MICU3: variants seen among roughly 807,000 people sequenced by gnomAD.
The protein encoded by MICU3 is calcium uptake protein 3, mitochondrial.
In MICU3, 62 loss-of-function variants were observed where a neutral mutation model predicts 66.5. The observed-to-expected ratio is 0.93, with a 90% CI of 0.76 to 1.15. MICU3 has a LOEUF of 1.15. MICU3 is among the 50% of genes most tolerant of loss of function. The pLI, the probability that MICU3 is intolerant of heterozygous loss-of-function variation, is 0.00. For missense variants in MICU3, 779 were observed against 664.4 expected, an observed-to-expected ratio of 1.17 and a Z score of -1.90; for synonymous variants, 308 against 240.7, an observed-to-expected ratio of 1.28 and a Z score of -2.59.
intron 1 of MICU3, among the ~76,000 whole-genome samples, chr8:17,029,000 A>G (rs1438634160): frequency 6.6e-6 from 1 of 152,248 alleles, no homozygotes; most frequent in Non-Finnish European, 1.5e-5. Context: ...GACCACGTTC[A>G]GAAAGCTAGA....
chr8:17,027,364 G>C lies in MICU3; in HGVS notation c.85G>C (p.Gly29Arg). The change falls in exon 1 of 15, where the codon GGG becomes CGG. Residue 29 changes from glycine to arginine, a missense_variant. Transcript: ENST00000318063. ...TCACCAGCCCCTCCTTGGGCCGTGG[G>C]GGCGGCCTGCGGTGACCACCCTGGG... Reference protein sequence around the residue: ...CAHQPLLGPWGRPAVTTLGLP... With the variant: ...CAHQPLLGPWRRPAVTTLGLP... The C allele has an allele frequency of 6.7e-7, 1 of 1,502,024 alleles. No homozygotes were observed. The highest frequency in any genetic ancestry group is 1.3e-5 in the South Asian group (1 of 76,542). 93.0% of individuals were successfully genotyped at this position (1,502,024 alleles called of 1,614,324 possible).
In MICU3 at chr8:17,120,664, A is replaced by T. The variant is rs978300235; in HGVS notation, c.*377A>T. On this transcript the variant is annotated 3_prime_UTR_variant, in exon 15 of 15. Transcript: ENST00000318063. ...TTCAAAATAATTTATGACTCATGGA[A>T]TGTTGATCGCCTAAAAATGAACATC... 2.0e-5 allele frequency: 3 copies of T among 152,552 alleles called. No homozygotes were observed. The highest frequency in any genetic ancestry group is 2.0e-4 in the Admixed American group (3 of 15,274). The allele number at this position is 152,552 out of a possible 1,614,324, so 9.4% of individuals were successfully genotyped here. A position where few individuals can be genotyped will look rare whatever the true frequency, so the allele number is the denominator to read the frequency against.
chr8:17,049,151 C>T (rs571690087), intron 1 of MICU3, among the ~76,000 whole-genome samples: 1 of 152,128 alleles, frequency 6.6e-6, no homozygotes, highest in Non-Finnish European at 1.5e-5. Flanking sequence ...CTAAACAATA[C>T]TCTTCAAGTA....
At chr8:17,128,107 C>T in the MICU3 span, among the ~76,000 whole-genome samples, 1 of 152,054 alleles carries the variant, frequency 6.6e-6, no homozygotes, top group Admixed American at 6.6e-5. Context: ...AGCCAGAGTT[C>T]TCTACTGACA....
the MICU3 span, among the ~76,000 whole-genome samples, chr8:17,135,435 A>G: frequency 1.3e-5 from 2 of 151,118 alleles, no homozygotes; most frequent in Admixed American, 6.7e-5. Flanking sequence ...TAGATTTTCT[A>G]TCTGATTTTT....
chr8:17,064,198 T>C lies in MICU3; in HGVS notation c.496T>C (p.Tyr166His). ...TGAAGGGCAGTTATTCATGACTCCGTATGATTTTATTTTGGCTGTTACAAC... is the reference window on the plus strand; with the variant it reads ...TGAAGGGCAGTTATTCATGACTCCGCATGATTTTATTTTGGCTGTTACAAC... ...ECEGQLFMTPYDFILAVTTDE... is the reference protein window; with the variant it reads ...ECEGQLFMTPHDFILAVTTDE... The change falls in exon 2 of 15, where the codon TAT (tyrosine) becomes CAT (histidine). Residue 166 changes from tyrosine to histidine, a missense_variant. Transcript: ENST00000318063. The C allele has an allele frequency of 6.2e-7, 1 of 1,612,608 alleles. No homozygotes were observed. Among genetic ancestry groups the C allele is most frequent in the South Asian group, 1.1e-5 (1 of 90,824 alleles).
chr8:17,030,526 G>C (rs1811840163), intron 1 of MICU3, among the ~76,000 whole-genome samples: 1 of 151,142 alleles, frequency 6.6e-6, no homozygotes, highest in African/African-American at 2.4e-5. Context: ...TTATGTTGGT[G>C]AGTATTATGG....
In MICU3 at chr8:17,121,556, A is replaced by G. The variant is rs1277344119; in HGVS notation, c.*1269A>G. 1 of 152,250 alleles carries G rather than the reference A, an allele frequency of 6.6e-6. No individual in the cohort carries two copies. Among genetic ancestry groups the G allele is most frequent in the Non-Finnish European group, 1.5e-5 (1 of 67,760 alleles). The allele number at this position is 152,250 out of a possible 1,614,324, so 9.4% of individuals were successfully genotyped here. ...TTGCATATGGAAGATAAGTTCATTT[A>G]TCTTCCTTTCTAAGACATATTTAAT... is the stretch of plus-strand genomic sequence containing the variant. On this transcript the variant is annotated 3_prime_UTR_variant, in exon 15 of 15. Transcript: ENST00000318063.
At chr8:17,044,292 C>T (rs12682381) in intron 1 of MICU3, among the ~76,000 whole-genome samples, 1 of 151,890 alleles carries the variant, frequency 6.6e-6, no homozygotes, top group East Asian at 1.9e-4. Context: ...TTGTTTGGTT[C>T]CAGGCTAATA....
At chr8:17,125,183 C>G (rs987228793), downstream of MICU3, among the ~76,000 whole-genome samples, 1 of 151,092 alleles carries the variant, frequency 6.6e-6, no homozygotes, top group Non-Finnish European at 1.5e-5. Flanking sequence ...ATGTCTTTGT[C>G]TTTTTATTGT....
At chr8:17,108,671 G>A (rs1394289145) in intron 11 of MICU3, among the ~76,000 whole-genome samples, 2 of 152,192 alleles carry the variant, frequency 1.3e-5, no homozygotes, top group East Asian at 3.9e-4. Flanking sequence ...ATTCTGTCTT[G>A]CCTGGAGTGT....
At chr8:17,123,767 G>T (rs534990675), downstream of MICU3, among the ~76,000 whole-genome samples, 2 of 151,874 alleles carry the variant, frequency 1.3e-5, no homozygotes, top group African/African-American at 4.8e-5. Flanking sequence ...GAAAAAAGTA[G>T]GAGGTCCACT....
chr8:17,095,611 A>T (rs1211334531), intron 8 of MICU3, among the ~76,000 whole-genome samples: 4 of 151,884 alleles, frequency 2.6e-5, no homozygotes, highest in Non-Finnish European at 5.9e-5. Flanking sequence ...CTTTATTCAG[A>T]CAGGGTATTT....
intron 11 of MICU3, among the ~76,000 whole-genome samples, chr8:17,112,268 A>G (rs1367092058): frequency 1.3e-5 from 2 of 152,160 alleles, no homozygotes; most frequent in East Asian, 3.9e-4. Flanking sequence ...GTATTTTTTG[A>G]TGTTTTCAGC....
chr8:17,033,460 G>A (rs1037986924), intron 1 of MICU3, among the ~76,000 whole-genome samples: 5 of 151,650 alleles, frequency 3.3e-5, no homozygotes, highest in Admixed American at 6.6e-5. Flanking sequence ...TTTTGAGACC[G>A]AGTCTTGCTC....
At chr8:17,103,124 G>C (rs1335920481) in intron 9 of MICU3, among the ~76,000 whole-genome samples, 5 of 151,878 alleles carry the variant, frequency 3.3e-5, no homozygotes. Flanking sequence ...ACATGTGCAG[G>C]GGAAATCAGG....
At chr8:17,042,471 G>T (rs1185980772) in intron 1 of MICU3, among the ~76,000 whole-genome samples, 1 of 152,118 alleles carries the variant, frequency 6.6e-6, no homozygotes, top group Non-Finnish European at 1.5e-5. Flanking sequence ...GTATTAAACA[G>T]GATTTTCTAG....
chr8:17,052,591 T>C (rs532927585), intron 1 of MICU3, among the ~76,000 whole-genome samples: 1 of 152,344 alleles, frequency 6.6e-6, no homozygotes, highest in South Asian at 2.1e-4. Flanking sequence ...TTGCTTTATC[T>C]AGCAACTTTT....
rs551448063 is a variant in MICU3 at position 17,117,095 on chromosome 8, A to C, written c.1524+495A>C. Among the ~76,000 whole-genome samples the C allele has an allele frequency of 1.8e-4, 27 of 152,204 alleles. No individual in the cohort carries two copies. The South Asian group carries it at 5.4e-3, about 30-fold the overall frequency. Reference sequence around the variant, plus strand: ...TGGGCTCAAGTGAGCTTCCTGCCTCAGCCTCCCAAGTAGCTGGGACTATAG... The same window carrying C: ...TGGGCTCAAGTGAGCTTCCTGCCTCCGCCTCCCAAGTAGCTGGGACTATAG... On this transcript the variant is annotated intron_variant, in intron 13 of 14. Coordinates refer to ENST00000318063, the MANE Select transcript of MICU3 (RefSeq NM_181723.3).
Sources: allele counts gnomAD v4.1 joint callset (sites outside exome capture counted in the v4.1 genomes callset), GRCh38; gene constraint gnomAD v4.1.1; transcripts MANE v1.5; gene names NCBI Gene and HGNC (gene_info 2026-07-23, HGNC 2026-07-21).